NUAK1: variants seen among roughly 807,000 people sequenced by gnomAD.
NUAK1 encodes NUAK family SNF1-like kinase 1.
Under a neutral mutation model 56.9 loss-of-function variants are expected in NUAK1, and 26 were observed. That is an observed-to-expected ratio of 0.46 (90% CI 0.33 to 0.63). The LOEUF (loss-of-function observed/expected upper bound fraction) is 0.63. Ranked by LOEUF, NUAK1 falls within the 30% of genes least tolerant of loss-of-function variation. The pLI is 0.02. For missense variants in NUAK1, 727 were observed against 876.1 expected (o/e 0.83, Z 2.15); for synonymous variants, 337 against 336.0 (o/e 1.00, Z -0.03).
chr12:106,095,188 C>T (rs1440995417), intron 2 of NUAK1, among the ~76,000 whole-genome samples: 1 of 152,204 alleles, frequency 6.6e-6, no homozygotes, highest in East Asian at 1.9e-4. Context: ...TACACTCACT[C>T]ACACAATCCT....
intron 4 of NUAK1, among the ~76,000 whole-genome samples, chr12:106,079,028 TAG>T (rs1213461224): frequency 1.3e-5 from 2 of 152,058 alleles, no homozygotes; most frequent in East Asian, 3.9e-4. Flanking sequence ...ATAGTAAGAG[TAG>T]AGAGTAGAAT....
chr12:106,094,939 C>T (rs1447638113), intron 2 of NUAK1, among the ~76,000 whole-genome samples: 1 of 152,154 alleles, frequency 6.6e-6, no homozygotes, highest in African/African-American at 2.4e-5. Context: ...GACAACACCA[C>T]ACTGGACGAG....
chr12:106,134,899 A>G (rs2033115036), intron 1 of NUAK1, among the ~76,000 whole-genome samples: 1 of 152,054 alleles, frequency 6.6e-6, no homozygotes, highest in African/African-American at 2.4e-5. Flanking sequence ...TTAATTTGGT[A>G]TTTATTTTAT....
chr12:106,068,067 A>T, intron 6 of NUAK1, 112 bp from the exon 7 acceptor site: 4 of 1,033,482 alleles, frequency 3.9e-6, no homozygotes, highest in Middle Eastern at 2.1e-4. Flanking sequence ...GGACAAATCC[A>T]TCTGGAGACC....
At chr12:106,084,033 T>A in intron 3 of NUAK1, 104 bp from the exon 4 acceptor site, 1 of 976,666 alleles carries the variant, frequency 1.0e-6, no homozygotes, top group Non-Finnish European at 1.6e-6. Flanking sequence ...TCTGACAGAT[T>A]AAAGAAATGC....
intron 1 of NUAK1, among the ~76,000 whole-genome samples, chr12:106,121,313 C>G (rs78306938): frequency 0.042 from 6,452 of 152,286 alleles, 218 homozygotes; most frequent in Non-Finnish European, 0.05. Flanking sequence ...CTTAGTGTAT[C>G]TTGCAGAAGG....
chr12:106,132,618 G>A (rs1193294248), intron 1 of NUAK1, among the ~76,000 whole-genome samples: 1 of 152,150 alleles, frequency 6.6e-6, no homozygotes, highest in African/African-American at 2.4e-5. Context: ...AGGCTGCTTG[G>A]GAAACAAAGG....
intron 2 of NUAK1, among the ~76,000 whole-genome samples, chr12:106,104,613 C>G (rs967159990): frequency 6.6e-6 from 1 of 152,162 alleles, no homozygotes; most frequent in African/African-American, 2.4e-5. Flanking sequence ...AAGTGATGCT[C>G]ATGCCACTAG....
At chr12:106,124,679 C>A (rs575216586) in intron 1 of NUAK1, among the ~76,000 whole-genome samples, 4 of 152,162 alleles carry the variant, frequency 2.6e-5, no homozygotes, top group Admixed American at 1.3e-4. Flanking sequence ...CCCTACCATC[C>A]AGAGTGGTAT....
intron 4 of NUAK1, 39 bp downstream of exon 4, chr12:106,083,825 C>T: frequency 6.3e-7 from 1 of 1,587,752 alleles, no homozygotes; most frequent in African/African-American, 1.3e-5. Context: ...GCTGCAAGAC[C>T]CAGGCCCTGC....
intron 1 of NUAK1, among the ~76,000 whole-genome samples, chr12:106,130,369 G>T (rs1014342452): frequency 6.6e-6 from 1 of 152,182 alleles, no homozygotes; most frequent in Non-Finnish European, 1.5e-5. Flanking sequence ...TAAATTCTAG[G>T]TATCTCAATG....
rs572691381 is a variant in NUAK1, at chr12:106,123,290, T to G, written c.240+15124A>C. ...TGTGCCATGTCCTCATTCAACCTAG[T>G]GTCTAGAGCAGCACTAGTCCTGCCC... On this transcript the variant is annotated intron_variant, in intron 1 of 6. Transcript: ENST00000261402. 2.6e-5 allele frequency among the ~76,000 whole-genome samples: 4 copies of G among 152,296 alleles called. No individual in the cohort carries two copies. The East Asian group carries it at 7.7e-4, about 29-fold the overall frequency.
intron 1 of NUAK1, among the ~76,000 whole-genome samples, chr12:106,120,793 G>A (rs995842196): frequency 7.9e-5 from 12 of 152,114 alleles, no homozygotes; most frequent in South Asian, 6.2e-4. Flanking sequence ...CAATGGCTTC[G>A]GACACACCGG....
chr12:106,134,540 C>T (rs2033110626), intron 1 of NUAK1, among the ~76,000 whole-genome samples: 1 of 152,224 alleles, frequency 6.6e-6, no homozygotes, highest in Admixed American at 6.5e-5. Context: ...AGGGACCCTG[C>T]CTCCAGCTCA....
rs534641787 is a variant in NUAK1 at position 106,084,347 on chromosome 12, C to T, written c.514-418G>A. The stretch of plus-strand genomic sequence containing the variant: ...GACTCAAGATTGTGGGGCTCACAGG[C>T]ACTCCTCATCTGTCTGTCTGTGTGC... On this transcript the variant is annotated intron_variant, in intron 3 of 6. Coordinates refer to ENST00000261402, the MANE Select transcript of NUAK1 (RefSeq NM_014840.3). 4.2e-4 allele frequency among the ~76,000 whole-genome samples: 64 copies of T among 152,328 alleles called. 1 individual carries two copies. The highest frequency in any genetic ancestry group is 3.4e-3 in the Middle Eastern group (1 of 294).
At chr12:106,081,227 C>G (rs1165649762) in intron 4 of NUAK1, among the ~76,000 whole-genome samples, 1 of 151,390 alleles carries the variant, frequency 6.6e-6, no homozygotes, top group Non-Finnish European at 1.5e-5. Context: ...CAGACTGATT[C>G]ACTGTGTGAT....
Position 106,123,128 on chromosome 12 carries a change from T to C in NUAK1, c.240+15286A>G, listed in dbSNP as rs577647512. Among the ~76,000 whole-genome samples the C allele has an allele frequency of 2.0e-5, 3 of 152,334 alleles. No homozygotes were observed. In the South Asian group the frequency reaches 6.2e-4, roughly 32 times the overall value. ...ATTCATTCTGAAAATCGTTACTGGG[T>C]GCTTAGTGCATACCAGGAACTGTTC... On this transcript the variant is annotated intron_variant, in intron 1 of 6. Coordinates refer to ENST00000261402, the MANE Select transcript of NUAK1 (RefSeq NM_014840.3).
intron 1 of NUAK1, among the ~76,000 whole-genome samples, chr12:106,113,127 C>A (rs2032881383): frequency 6.6e-6 from 1 of 152,104 alleles, no homozygotes; most frequent in Admixed American, 6.5e-5. Context: ...TAAGACTCAC[C>A]CCCACCCCTC....
At chr12:106,090,134 G>T (rs768067082) in intron 2 of NUAK1, among the ~76,000 whole-genome samples, 4 of 152,138 alleles carry the variant, frequency 2.6e-5, no homozygotes, top group Non-Finnish European at 4.4e-5. Context: ...GGAAACACTG[G>T]ATGAATGAGA....
Sources: gnomAD v4.1 joint callset for allele counts (sites outside exome capture counted in the v4.1 genomes callset) on GRCh38, gnomAD v4.1.1 for gene constraint, MANE v1.5 for transcripts, NCBI Gene and HGNC (gene_info 2026-07-23, HGNC 2026-07-21) for gene names.